Variants in TCF4 observed in about 807,000 individuals in gnomAD.
The protein encoded by TCF4 is transcription factor 4.
Under a neutral mutation model 82.1 loss-of-function variants are expected in TCF4, and 3 were observed. The observed-to-expected ratio is 0.04, with a 90% CI of 0.02 to 0.09. The LOEUF (loss-of-function observed/expected upper bound fraction) is 0.09, where lower values mean the gene tolerates loss of function less well. TCF4 is among the 10% of genes least tolerant of loss of function. The probability of loss-of-function intolerance (pLI) is 1.00; values close to 1 mark genes in which losing one functional copy is unlikely to be tolerated. For synonymous variants in TCF4, 276 were observed against 309.6 expected, an observed-to-expected ratio of 0.89 and a Z score of 1.14; for missense variants, 518 against 852.7, an observed-to-expected ratio of 0.61 and a Z score of 4.89.
In TCF4 at chr18:55,430,697, G is replaced by A. The variant is rs1230220269; in HGVS notation, c.305-27179C>T. 2.0e-5 allele frequency among the ~76,000 whole-genome samples: 3 copies of A among 152,128 alleles called. No individual in the cohort carries two copies. The East Asian group carries it at 5.8e-4, about 29-fold the overall frequency. ...AGGCAAGTTAGACGTTTTTAACATT[G>A]TGGATGTTGAGGGAGACAGGTTTTA... On this transcript the variant is annotated intron_variant, in intron 5 of 19. Transcript: ENST00000354452.
At chr18:55,632,865 G>A (rs182562711) in intron 1 of TCF4, among the ~76,000 whole-genome samples, 191 of 152,266 alleles carry the variant, frequency 1.3e-3, no homozygotes, top group African/African-American at 4.4e-3. Flanking sequence ...CCTGTCTGAG[G>A]GAAAGAGACC....
intron 2 of TCF4, among the ~76,000 whole-genome samples, chr18:55,627,280 G>C (rs1220491585): frequency 6.6e-6 from 1 of 152,168 alleles, no homozygotes. Context: ...CTGAGTGCTA[G>C]ATATTGTGTG....
chr18:55,535,594 G>A (rs1372494339), intron 3 of TCF4, among the ~76,000 whole-genome samples: 1 of 152,128 alleles, frequency 6.6e-6, no homozygotes, highest in Admixed American at 6.5e-5. Flanking sequence ...TGGATCAATT[G>A]AGAAAATGTG....
At chr18:55,239,675 T>C (rs1011849857) in intron 15 of TCF4, among the ~76,000 whole-genome samples, 7 of 152,324 alleles carry the variant, frequency 4.6e-5, no homozygotes, top group African/African-American at 1.7e-4. Context: ...AATTATAAAA[T>C]TTAATATTTG....
chr18:55,271,043 T>C (rs2060239490), intron 10 of TCF4, among the ~76,000 whole-genome samples: 1 of 152,126 alleles, frequency 6.6e-6, no homozygotes, highest in African/African-American at 2.4e-5. Flanking sequence ...TTGAATATGA[T>C]GCTGATAGTC....
At chr18:55,283,489 C>T (rs987469352) in intron 8 of TCF4, among the ~76,000 whole-genome samples, 21 of 152,170 alleles carry the variant, frequency 1.4e-4, no homozygotes, top group African/African-American at 5.1e-4. Flanking sequence ...TTTAGGGCCT[C>T]TTGTGGAACC....
chr18:55,513,770 T>A (rs928113313), intron 3 of TCF4, among the ~76,000 whole-genome samples: 1 of 152,198 alleles, frequency 6.6e-6, no homozygotes, highest in Admixed American at 6.5e-5. Context: ...ATTTGTTTTA[T>A]AATTTTAAAG....
chr18:55,593,581 G>A (rs2097687914), upstream of TCF4, among the ~76,000 whole-genome samples: 2 of 152,278 alleles, frequency 1.3e-5, no homozygotes, highest in African/African-American at 2.4e-5. Flanking sequence ...AGGTCATGTC[G>A]TTAAGGAGCG....
At chr18:55,236,920 A>T (rs574868522) in intron 15 of TCF4, among the ~76,000 whole-genome samples, 3 of 152,128 alleles carry the variant, frequency 2.0e-5, no homozygotes, top group Non-Finnish European at 4.4e-5. Flanking sequence ...GTGTACTCCT[A>T]TTTCAGAATC....
At chr18:55,246,050 C>T (rs1315877379) in intron 15 of TCF4, among the ~76,000 whole-genome samples, 1 of 152,068 alleles carries the variant, frequency 6.6e-6, no homozygotes, top group Non-Finnish European at 1.5e-5. Context: ...TTTTTAAATG[C>T]ACAGTTGTGC....
At chr18:55,471,615 A>T (rs986730700) in intron 3 of TCF4, among the ~76,000 whole-genome samples, 1 of 152,054 alleles carries the variant, frequency 6.6e-6, no homozygotes, top group African/African-American at 2.4e-5. Flanking sequence ...AAAACACAAA[A>T]ATTAGCTGGG....
At chr18:55,442,570 C>A (rs1159470358) in intron 5 of TCF4, among the ~76,000 whole-genome samples, 2 of 152,130 alleles carry the variant, frequency 1.3e-5, no homozygotes, top group African/African-American at 4.8e-5. Flanking sequence ...ATAGCATTGG[C>A]AATGGGTGCC....
At chr18:55,301,172 C>G (rs772577242) in intron 8 of TCF4, among the ~76,000 whole-genome samples, 9 of 152,172 alleles carry the variant, frequency 5.9e-5, no homozygotes, top group Non-Finnish European at 1.3e-4. Context: ...CTGCTGCTCT[C>G]CTTTTCTGAA....
intron 8 of TCF4, among the ~76,000 whole-genome samples, chr18:55,297,152 T>G (rs1448748860): frequency 4.4e-5 from 6 of 137,098 alleles, no homozygotes; most frequent in African/African-American, 1.6e-4. Context: ...TTGAGGTTTT[T>G]TTTTTTTTTT....
intron 6 of TCF4, among the ~76,000 whole-genome samples, chr18:55,365,387 T>C (rs2086743998): frequency 6.6e-6 from 1 of 151,594 alleles, no homozygotes; most frequent in East Asian, 1.9e-4. Context: ...AAATTATTTC[T>C]TGTAGAAGCA....
intron 3 of TCF4, among the ~76,000 whole-genome samples, chr18:55,523,046 T>C (rs566834989): frequency 7.2e-5 from 11 of 152,180 alleles, no homozygotes; most frequent in Admixed American, 3.3e-4. Flanking sequence ...AGAAAACAGT[T>C]ATGAAAATTT....
chr18:55,576,219 GA>G (rs926092091), intron 3 of TCF4, among the ~76,000 whole-genome samples: 1 of 152,104 alleles, frequency 6.6e-6, no homozygotes, highest in Non-Finnish European at 1.5e-5. Context: ...TAGATTTCCA[GA>G]ATTTGGCTAC....
At chr18:55,392,462 CAA>C (rs772409228) in intron 6 of TCF4, among the ~76,000 whole-genome samples, 6,468 of 95,442 alleles carry the variant, frequency 0.068, 216 homozygotes, top group African/African-American at 0.14. Flanking sequence ...AACAACCCCA[CAA>C]AAAAAAAAAA....
chr18:55,382,194 G>C (rs886395476), intron 6 of TCF4, among the ~76,000 whole-genome samples: 2 of 152,094 alleles, frequency 1.3e-5, no homozygotes, highest in African/African-American at 2.4e-5. Flanking sequence ...TAAGTGTGGA[G>C]TTCTGGGAGG....
Sources: gnomAD v4.1 joint callset for allele counts (sites outside exome capture counted in the v4.1 genomes callset) on GRCh38, gnomAD v4.1.1 for gene constraint, MANE v1.5 for transcripts, NCBI Gene and HGNC (gene_info 2026-07-23, HGNC 2026-07-21) for gene names.